The following AIG1 variants were observed in gnomAD, a reference collection of about 807,000 sequenced individuals.
AIG1 encodes the protein androgen induced 1.
In AIG1, 23 loss-of-function variants were observed where a neutral mutation model predicts 31.4. The observed-to-expected ratio is 0.73, with a 90% CI of 0.53 to 1.04. The LOEUF is 1.04. AIG1 is among the 50% of genes least tolerant of loss of function. AIG1 has a pLI of 0.00. For synonymous variants in AIG1, 100 were observed against 110.5 expected, an observed-to-expected ratio of 0.90 and a Z score of 0.60; for missense variants, 274 against 295.0, an observed-to-expected ratio of 0.93 and a Z score of 0.52.
At chr6:143,149,532 CAAAAAAAAAAAAAAAAAAA>C (rs71767812) in intron 2 of AIG1, among the ~76,000 whole-genome samples, 2 of 39,990 alleles carry the variant, frequency 5.0e-5, no homozygotes, top group Admixed American at 2.6e-4. Context: ...GACTCTGTCT[CAAAAAAAAAAAAAAAAAAA>C]AAAAAAGAAA....
At chr6:143,114,012 G>A (rs982242822) in intron 1 of AIG1, among the ~76,000 whole-genome samples, 2 of 152,128 alleles carry the variant, frequency 1.3e-5, no homozygotes, top group Non-Finnish European at 2.9e-5. Context: ...CTGACCTCGT[G>A]ATCCGCCTGC....
Position 143,279,351 on chromosome 6 carries a change from C to G in AIG1, c.400-4759C>G, listed in dbSNP as rs1797178040. Reference sequence around the variant, plus strand: ...TTTTACAAAGAATAATACTAAGCTTCACACATGTGTGAGAACCTGCGGGTC... The same window carrying G: ...TTTTACAAAGAATAATACTAAGCTTGACACATGTGTGAGAACCTGCGGGTC... On this transcript the variant is annotated intron_variant, in intron 3 of 5. Transcript: ENST00000357847. The surrounding 1 kb of genome is among the most constrained non-coding windows in gnomAD (Gnocchi z 5.4). Among the ~76,000 whole-genome samples the G allele has an allele frequency of 6.6e-6, 1 of 152,212 alleles. No individual in the cohort carries two copies. Among genetic ancestry groups the G allele is most frequent in the Middle Eastern group, 3.2e-3 (1 of 316 alleles).
intron 1 of AIG1, among the ~76,000 whole-genome samples, chr6:143,066,536 G>A (rs1485801029): frequency 6.6e-6 from 1 of 152,132 alleles, no homozygotes; most frequent in Non-Finnish European, 1.5e-5. Flanking sequence ...GCCTCCCAAA[G>A]TGCTGGGATT....
intron 4 of AIG1, among the ~76,000 whole-genome samples, chr6:143,323,209 T>G (rs1484623488): frequency 6.6e-6 from 1 of 152,184 alleles, no homozygotes; most frequent in Non-Finnish European, 1.5e-5. Context: ...TGATGCCCAG[T>G]GCAAAATAAA....
chr6:143,182,945 A>G (rs1023191060), intron 3 of AIG1, among the ~76,000 whole-genome samples: 4 of 152,118 alleles, frequency 2.6e-5, no homozygotes, highest in African/African-American at 9.7e-5. Flanking sequence ...ATTTAACGTC[A>G]CTCTTCAATT....
At position 143,328,826 on chromosome 6, in the gene AIG1, A is replaced by G. The variant is rs911380908; in HGVS notation, c.516-4456A>G. Among the ~76,000 whole-genome samples the G allele has an allele frequency of 1.3e-5, 2 of 152,232 alleles. No individual in the cohort carries two copies. The highest frequency in any genetic ancestry group is 2.9e-5 in the Non-Finnish European group (2 of 68,034). Reference sequence around the variant, plus strand: ...AATCTTATTATGCTAATATGTGCATATATATGTATGCACACATATCATGGT... The same window carrying G: ...AATCTTATTATGCTAATATGTGCATGTATATGTATGCACACATATCATGGT... On this transcript the variant is annotated intron_variant, in intron 4 of 5. Coordinates refer to ENST00000357847, the MANE Select transcript of AIG1 (RefSeq NM_016108.4). This position sits in a 1 kb window ranked among gnomAD's most constrained non-coding sequence, Gnocchi z 4.0.
At chr6:143,091,754 G>T (rs1404333465) in intron 1 of AIG1, among the ~76,000 whole-genome samples, 3 of 152,132 alleles carry the variant, frequency 2.0e-5, no homozygotes, top group Admixed American at 6.5e-5. Flanking sequence ...TAGTATGAGA[G>T]TACTAAAGTT....
intron 2 of AIG1, among the ~76,000 whole-genome samples, chr6:143,140,112 G>A (rs191751136): frequency 1.3e-5 from 2 of 152,288 alleles, no homozygotes; most frequent in Admixed American, 1.3e-4. Context: ...GTCTTACATG[G>A]TGGCAAGAGA....
intron 3 of AIG1, among the ~76,000 whole-genome samples, chr6:143,178,475 G>T (rs542884831): frequency 1.1e-3 from 163 of 152,296 alleles, no homozygotes; most frequent in African/African-American, 3.7e-3. Flanking sequence ...TCAGGGCTGG[G>T]GGCTCTCCTC....
intron 3 of AIG1, among the ~76,000 whole-genome samples, chr6:143,194,877 C>T (rs1583474669): frequency 1.3e-5 from 2 of 152,342 alleles, no homozygotes; most frequent in African/African-American, 4.8e-5. Flanking sequence ...TTCTCTCTGT[C>T]TAGTCCCACT....
At chr6:143,071,324 G>A (rs765685793) in intron 1 of AIG1, among the ~76,000 whole-genome samples, 1 of 152,162 alleles carries the variant, frequency 6.6e-6, no homozygotes, top group Admixed American at 6.5e-5. Context: ...CCACAGTTTA[G>A]CCATTTATCC....
At chr6:143,237,622 A>G (rs1469996473) in intron 3 of AIG1, among the ~76,000 whole-genome samples, 1 of 152,204 alleles carries the variant, frequency 6.6e-6, no homozygotes, top group Non-Finnish European at 1.5e-5. Context: ...TCACCTATTC[A>G]GTAGATAACA....
At chr6:143,068,432 C>T (rs1275403359) in intron 1 of AIG1, among the ~76,000 whole-genome samples, 5 of 152,164 alleles carry the variant, frequency 3.3e-5, no homozygotes, top group Admixed American at 6.5e-5. Context: ...CTTCTGAGTG[C>T]GGTGGAAGCA....
At chr6:143,202,975 G>T (rs1229524895) in intron 3 of AIG1, among the ~76,000 whole-genome samples, 1 of 152,204 alleles carries the variant, frequency 6.6e-6, no homozygotes, top group East Asian at 1.9e-4. Context: ...GCTGGAGGCT[G>T]TGGAAACAGA....
intron 1 of AIG1, among the ~76,000 whole-genome samples, chr6:143,062,603 A>G (rs9484699): frequency 0.015 from 2,296 of 152,262 alleles, 60 homozygotes; most frequent in African/African-American, 0.052. Context: ...TGGCTTTGCC[A>G]ATTATGTTGT....
chr6:143,248,512 C>T (rs1008587735), intron 3 of AIG1, among the ~76,000 whole-genome samples: 3 of 152,170 alleles, frequency 2.0e-5, no homozygotes, highest in African/African-American at 7.2e-5. Context: ...AGATCAACAC[C>T]TTCATCACCA....
chr6:143,155,406 A>T (rs1187262460), intron 2 of AIG1, among the ~76,000 whole-genome samples: 1 of 152,074 alleles, frequency 6.6e-6, no homozygotes, highest in Admixed American at 6.5e-5. Context: ...GGGATATCTA[A>T]GCTCCCATTT....
At chr6:143,145,427 T>A (rs6570549) in intron 2 of AIG1, among the ~76,000 whole-genome samples, 121,294 of 152,166 alleles carry the variant, frequency 0.8, 49,350 homozygotes, top group East Asian at 1. Context: ...AAGAGGGTTA[T>A]TAAAGCACCA....
intron 4 of AIG1, among the ~76,000 whole-genome samples, chr6:143,286,913 C>T (rs966042528): frequency 1.3e-5 from 2 of 151,602 alleles, no homozygotes; most frequent in African/African-American, 4.9e-5. Context: ...GGACTTTCCC[C>T]ACTGACTGGT....
Sources: allele counts gnomAD v4.1 joint callset (sites outside exome capture counted in the v4.1 genomes callset), GRCh38; gene constraint gnomAD v4.1.1; non-coding constraint Gnocchi (gnomAD v3.1); transcripts MANE v1.5; gene names NCBI Gene and HGNC (gene_info 2026-07-23, HGNC 2026-07-21).